The following DLGAP2 variants were observed in gnomAD, a reference collection of about 807,000 sequenced individuals.
The protein encoded by DLGAP2 is DLG associated protein 2.
A neutral mutation model predicts 100.3 loss-of-function variants in DLGAP2; 26 were observed. That is an observed-to-expected ratio of 0.26 (90% CI 0.19 to 0.36). The LOEUF is 0.36. DLGAP2 is among the 10% of genes least tolerant of loss of function. The probability of loss-of-function intolerance (pLI) is 1.00; values close to 1 mark genes in which losing one functional copy is unlikely to be tolerated. For synonymous variants in DLGAP2, 886 were observed against 630.1 expected (o/e 1.41, Z -6.08); for missense variants, 1,858 against 1,453.2 (o/e 1.28, Z -4.53).
intron 3 of DLGAP2, among the ~76,000 whole-genome samples, chr8:1,318,597 T>G (rs940846804): frequency 1.3e-5 from 2 of 150,762 alleles, no homozygotes. Flanking sequence ...GGGAACAGAT[T>G]CCCCCGCCGA....
At position 1,188,436 on chromosome 8, in the gene DLGAP2, C is replaced by T. The variant is rs189256183; in HGVS notation, c.74-70415C>T. 8.9e-3 allele frequency among the ~76,000 whole-genome samples: 1,068 copies of T among 119,562 alleles called. 140 individuals carry two copies. The highest frequency in any genetic ancestry group is 0.043 in the African/African-American group (1,018 of 23,456). The allele number at this position is 119,562 out of a possible 152,430, so 78.4% of individuals were successfully genotyped here. Reference sequence around the variant, plus strand: ...TCACAGAATCGCGCACGCCCGGGACCTCCGTGACGTTTCCCTCACGGAATC... The same window carrying T: ...TCACAGAATCGCGCACGCCCGGGACTTCCGTGACGTTTCCCTCACGGAATC... On this transcript the variant is annotated intron_variant, in intron 2 of 14. Transcript: ENST00000637795.
intron 2 of DLGAP2, among the ~76,000 whole-genome samples, chr8:1,111,862 A>G (rs1380234523): frequency 1.3e-5 from 2 of 152,128 alleles, no homozygotes; most frequent in African/African-American, 4.8e-5. Flanking sequence ...TGCTGCAGTG[A>G]GCATTCACGT....
At chr8:1,190,717 G>C (rs932306102) in intron 2 of DLGAP2, among the ~76,000 whole-genome samples, 10 of 152,194 alleles carry the variant, frequency 6.6e-5, no homozygotes, top group African/African-American at 2.4e-4. Context: ...GCCAGGGCCA[G>C]AGGTCACCTG....
intron 3 of DLGAP2, among the ~76,000 whole-genome samples, chr8:1,464,365 ACGCCCTTCCAGGATGG>A (rs1798558753): frequency 2.7e-5 from 1 of 36,928 alleles, no homozygotes; most frequent in African/African-American, 1.2e-4. Context: ...TTCCAGGACA[ACGCCCTTCCAGGATGG>A]CACCCTTCCG....
Position 947,564 on chromosome 8 carries a change from G to T in DLGAP2, c.73+39598G>T, listed in dbSNP as rs1005570667. 5.3e-5 allele frequency among the ~76,000 whole-genome samples: 8 copies of T among 152,304 alleles called. No homozygotes were observed. The South Asian group carries it at 1.7e-3, about 32-fold the overall frequency. ...TGATCCTGGACCCACAGGTTGCCGGGCCCCTCGGTGTGCCTGCCAGTCTCA... is the reference window on the plus strand; with the variant it reads ...TGATCCTGGACCCACAGGTTGCCGGTCCCCTCGGTGTGCCTGCCAGTCTCA... On this transcript the variant is annotated intron_variant, in intron 2 of 14. Coordinates refer to ENST00000637795, the MANE Select transcript of DLGAP2 (RefSeq NM_001346810.2).
chr8:1,460,124 C>T (rs902065137), intron 3 of DLGAP2, among the ~76,000 whole-genome samples: 5 of 152,318 alleles, frequency 3.3e-5, no homozygotes, highest in Middle Eastern at 3.4e-3. Context: ...GGACTCGGTT[C>T]TGCGGCCCCG....
At chr8:943,292 C>T (rs1463163594) in intron 2 of DLGAP2, among the ~76,000 whole-genome samples, 1 of 142,356 alleles carries the variant, frequency 7.0e-6, no homozygotes, top group Non-Finnish European at 1.6e-5. Context: ...CACAGCGTGT[C>T]ATCAGTGGGA....
chr8:1,006,867 C>A (rs575681419), intron 2 of DLGAP2, among the ~76,000 whole-genome samples: 5 of 118,206 alleles, frequency 4.2e-5, no homozygotes, highest in African/African-American at 1.3e-4. Context: ...GTCGGGGACA[C>A]CATGTGTCTG....
In DLGAP2 at chr8:777,864, G is replaced by A. The variant is rs557260400; in HGVS notation, c.18+40039G>A. On this transcript the variant is annotated intron_variant, in intron 1 of 14. Transcript: ENST00000637795. ...TCTTCTCGAGGAGTATCTTTGTGGCGTCTCTGTGTTTCCTGAATCTGAACG... is the reference window on the plus strand; with the variant it reads ...TCTTCTCGAGGAGTATCTTTGTGGCATCTCTGTGTTTCCTGAATCTGAACG... Among the ~76,000 whole-genome samples the A allele has an allele frequency of 3.1e-4, 47 of 152,120 alleles. 1 individual carries two copies. The South Asian group carries it at 5.6e-3, about 18-fold the overall frequency.
At chr8:1,516,507 A>G (rs1316248496) in intron 4 of DLGAP2, among the ~76,000 whole-genome samples, 3 of 142,276 alleles carry the variant, frequency 2.1e-5, no homozygotes, top group African/African-American at 8.0e-5. Context: ...GAGTGAGTGA[A>G]TGAGTTCATG....
At chr8:1,092,072 G>C (rs955446589) in intron 2 of DLGAP2, among the ~76,000 whole-genome samples, 11 of 152,152 alleles carry the variant, frequency 7.2e-5, no homozygotes, top group African/African-American at 2.7e-4. Context: ...AGCCTCTCCT[G>C]CGTGTCTCCT....
chr8:792,004 A>G lies in DLGAP2; in HGVS notation c.18+54179A>G, dbSNP rs978998435. 2.6e-5 allele frequency among the ~76,000 whole-genome samples: 4 copies of G among 152,156 alleles called. 1 individual carries two copies. Among genetic ancestry groups the G allele is most frequent in the Admixed American group, 2.0e-4 (3 of 15,274 alleles). On this transcript the variant is annotated intron_variant, in intron 1 of 14. Transcript: ENST00000637795. The stretch of plus-strand genomic sequence containing the variant: ...GTCACTGCGTTAAGCAAGTAGTTGG[A>G]TTTGCTGAGTTGCTGGATGTACCTG...
chr8:940,992 A>C (rs1049405607), intron 2 of DLGAP2, among the ~76,000 whole-genome samples: 2 of 152,084 alleles, frequency 1.3e-5, no homozygotes, highest in Non-Finnish European at 2.9e-5. Flanking sequence ...GGATGCCCCC[A>C]CCCATCTACA....
chr8:1,419,378 G>GTTA (rs1321242268), intron 3 of DLGAP2, among the ~76,000 whole-genome samples: 1 of 66,504 alleles, frequency 1.5e-5, no homozygotes. Context: ...TTTATAAATG[G>GTTA]TTATTTTTGG....
At chr8:1,586,922 T>A (rs1187188663) in intron 6 of DLGAP2, among the ~76,000 whole-genome samples, 2 of 152,196 alleles carry the variant, frequency 1.3e-5, no homozygotes, top group Non-Finnish European at 2.9e-5. Flanking sequence ...TTCACCTTCA[T>A]CAGTGCAGCT....
chr8:1,498,594 A>C (rs893852886), intron 3 of DLGAP2, among the ~76,000 whole-genome samples: 5 of 152,200 alleles, frequency 3.3e-5, no homozygotes, highest in African/African-American at 1.2e-4. Context: ...TGCAGAGCTC[A>C]CTGTGTCTGT....
chr8:1,410,019 C>T (rs1796683894), intron 3 of DLGAP2, among the ~76,000 whole-genome samples: 1 of 152,202 alleles, frequency 6.6e-6, no homozygotes, highest in South Asian at 2.1e-4. Flanking sequence ...AGAACCCTGA[C>T]CGATACGTGC....
chr8:1,564,362 T>A (rs2956913), intron 5 of DLGAP2, among the ~76,000 whole-genome samples: 7 of 152,014 alleles, frequency 4.6e-5, no homozygotes, highest in Admixed American at 2.6e-4. Context: ...AATACTGGCC[T>A]GCACTGTCAT....
intron 2 of DLGAP2, among the ~76,000 whole-genome samples, chr8:940,727 C>CA (rs1258005093): frequency 6.6e-6 from 1 of 152,138 alleles, no homozygotes; most frequent in African/African-American, 2.4e-5. Context: ...TTTTGTTTTA[C>CA]AAAAATTTAA....
Sources: allele counts gnomAD v4.1 joint callset (sites outside exome capture counted in the v4.1 genomes callset), GRCh38; gene constraint gnomAD v4.1.1; transcripts MANE v1.5; gene names NCBI Gene and HGNC (gene_info 2026-07-23, HGNC 2026-07-21).